PDE12: variants seen among roughly 807,000 people sequenced by gnomAD.
PDE12 encodes 2',5'-phosphodiesterase 12.
Under a neutral mutation model 45.4 loss-of-function variants are expected in PDE12, and 26 were observed. That is an observed-to-expected ratio of 0.57 (90% CI 0.42 to 0.79). PDE12 has a LOEUF of 0.79. Ranked by LOEUF, PDE12 falls within the 30% of genes least tolerant of loss-of-function variation. PDE12 has a pLI of 0.00. For missense variants in PDE12, 668 were observed against 790.0 expected (o/e 0.85, Z 1.85); for synonymous variants, 283 against 323.9 (o/e 0.87, Z 1.36).
the PDE12 span, among the ~76,000 whole-genome samples, chr3:57,594,942 C>T: frequency 4.9e-4 from 74 of 152,230 alleles, 1 homozygote; most frequent in African/African-American, 1.4e-3. Context: ...TGATGAGTTA[C>T]CATAAATGTC....
chr3:57,615,353 TG>T, the PDE12 span, among the ~76,000 whole-genome samples: 1 of 152,154 alleles, frequency 6.6e-6, no homozygotes, highest in Non-Finnish European at 1.5e-5. Context: ...ATTTGTGCGA[TG>T]ACACTAAACC....
chr3:57,633,269 G>A, the PDE12 span: 1 of 1,611,260 alleles, frequency 6.2e-7, no homozygotes, highest in Non-Finnish European at 8.5e-7. Context: ...ACTTACTAAT[G>A]GAATGATGAA....
At chr3:57,612,694 C>T in the PDE12 span, among the ~76,000 whole-genome samples, 3 of 148,876 alleles carry the variant, frequency 2.0e-5, no homozygotes, top group Admixed American at 6.8e-5. Flanking sequence ...TCACTTGAAC[C>T]GGGGAAGTGG....
chr3:57,617,175 C>T, the PDE12 span, among the ~76,000 whole-genome samples: 9 of 152,096 alleles, frequency 5.9e-5, no homozygotes, highest in African/African-American at 1.7e-4. Context: ...GAGGCTGAAG[C>T]GGGAGGATCA....
At position 57,561,103 on chromosome 3, in the gene PDE12, G is replaced by A; in HGVS notation, c.*1099G>A. 1 of 984,406 alleles carries A rather than the reference G, an allele frequency of 1.0e-6. No individual in the cohort carries two copies. Among genetic ancestry groups the A allele is most frequent in the Non-Finnish European group, 1.2e-6 (1 of 828,670 alleles). 61.0% of individuals were successfully genotyped at this position (984,406 alleles called of 1,614,324 possible). A position where few individuals can be genotyped will look rare whatever the true frequency, so the allele number is the denominator to read the frequency against. On this transcript the variant is annotated 3_prime_UTR_variant, in exon 3 of 3. Coordinates refer to ENST00000311180, the MANE Select transcript of PDE12 (RefSeq NM_177966.7). ...GCAAGCACAATTTAGTATTCAAAGT[G>A]AGTAGCAACATATTCAACTTGATCC... is the stretch of plus-strand genomic sequence containing the variant.
At chr3:57,619,302 C>G in the PDE12 span, 13 of 152,376 alleles carry the variant, frequency 8.5e-5, no homozygotes, top group African/African-American at 2.9e-4. Flanking sequence ...GAGCCGAGAT[C>G]GTGCCACTGC....
chr3:57,637,313 G>A, the PDE12 span, among the ~76,000 whole-genome samples: 1 of 152,126 alleles, frequency 6.6e-6, no homozygotes, highest in Non-Finnish European at 1.5e-5. Context: ...AGACACAGAG[G>A]AACATCTTGT....
At chr3:57,604,624 G>T in the PDE12 span, among the ~76,000 whole-genome samples, 20 of 61,220 alleles carry the variant, frequency 3.3e-4, 1 homozygote, top group African/African-American at 1.2e-3. Context: ...TTTTGGGGGG[G>T]GTGGGTGGGA....
chr3:57,655,162 T>C, the PDE12 span, among the ~76,000 whole-genome samples: 1 of 152,150 alleles, frequency 6.6e-6, no homozygotes, highest in South Asian at 2.1e-4. Flanking sequence ...GCCTCCTGAG[T>C]AGCTGAGATT....
chr3:57,628,017 C>T, the PDE12 span: 1 of 625,728 alleles, frequency 1.6e-6, no homozygotes, highest in South Asian at 3.2e-5. Context: ...TAAAGTGGAA[C>T]CACCACAGAT....
At position 57,563,959 on chromosome 3, in the gene PDE12, A is replaced by G. The variant is rs1372423487; in HGVS notation, c.*3955A>G. On this transcript the variant is annotated 3_prime_UTR_variant, in exon 3 of 3. Transcript: ENST00000311180. ...TTTAACAGCTTTAACTGACATGGGT[A>G]ATATATAAGTTCTGTGTTCTCACTT... 2 of 152,248 alleles carry G rather than the reference A, an allele frequency of 1.3e-5. No homozygotes were observed. The highest frequency in any genetic ancestry group is 2.9e-5 in the Non-Finnish European group (2 of 68,044). 9.4% of individuals were successfully genotyped at this position (152,248 alleles called of 1,614,324 possible).
the PDE12 span, among the ~76,000 whole-genome samples, chr3:57,577,156 C>A: frequency 6.6e-6 from 1 of 151,956 alleles, no homozygotes. Context: ...TTTTGAAGTA[C>A]ATTATTAAGA....
the PDE12 span, among the ~76,000 whole-genome samples, chr3:57,638,136 AAAAT>A: frequency 6.6e-6 from 1 of 152,274 alleles, no homozygotes; most frequent in East Asian, 1.9e-4. Flanking sequence ...TCCATCTCAA[AAAAT>A]AAATAAATAA....
chr3:57,608,035 G>A, the PDE12 span, among the ~76,000 whole-genome samples: 1 of 152,154 alleles, frequency 6.6e-6, no homozygotes, highest in South Asian at 2.1e-4. Context: ...TAACAGCTGA[G>A]CTCTCGGCAG....
At chr3:57,575,824 A>C in the PDE12 span, 4 of 848,568 alleles carry the variant, frequency 4.7e-6, no homozygotes, top group Non-Finnish European at 6.8e-6. Context: ...CTGAAGTCTC[A>C]TATCCTTCAG....
At chr3:57,630,996 G>C in the PDE12 span, 1 of 1,607,594 alleles carries the variant, frequency 6.2e-7, no homozygotes, top group Non-Finnish European at 8.5e-7. Flanking sequence ...CAAGAAAAAA[G>C]TTAATAAAAG....
chr3:57,648,557 A>G, the PDE12 span, among the ~76,000 whole-genome samples: 1 of 152,246 alleles, frequency 6.6e-6, no homozygotes, highest in Admixed American at 6.5e-5. Flanking sequence ...CTGCATAGCT[A>G]AAGTAAGACT....
the PDE12 span, among the ~76,000 whole-genome samples, chr3:57,624,372 G>C: frequency 1.2e-4 from 18 of 151,852 alleles, no homozygotes; most frequent in African/African-American, 4.4e-4. Flanking sequence ...GGATGGTCTC[G>C]ATCTCCTGAC....
the PDE12 span, among the ~76,000 whole-genome samples, chr3:57,607,334 G>A: frequency 1.6e-4 from 25 of 152,238 alleles, no homozygotes; most frequent in Admixed American, 3.3e-4. Context: ...ATCAGAGCGC[G>A]TCTCCCCCTC....
Sources: gnomAD v4.1 joint callset for allele counts (sites outside exome capture counted in the v4.1 genomes callset) on GRCh38, gnomAD v4.1.1 for gene constraint, MANE v1.5 for transcripts, NCBI Gene and HGNC (gene_info 2026-07-23, HGNC 2026-07-21) for gene names.